The following KIF15 variants were observed in gnomAD, a reference collection of about 807,000 sequenced individuals.
KIF15 encodes kinesin family member 15.
KIF15 carries 140 observed loss-of-function variants against 190.6 expected under a neutral mutation model. That is an observed-to-expected ratio of 0.73 (90% confidence interval 0.64 to 0.84). The LOEUF is 0.84. KIF15 is among the 40% of genes least tolerant of loss of function. The pLI, the probability that KIF15 is intolerant of heterozygous loss-of-function variation, is 0.00. For missense variants in KIF15, 1,372 were observed against 1,584.4 expected (o/e 0.87, Z 2.28); for synonymous variants, 528 against 551.3 (o/e 0.96, Z 0.59).
At chr3:44,861,954 C>A in intron 6 of KIF15, 2 of 1,403,416 alleles carry the variant, frequency 1.4e-6, no homozygotes, top group South Asian at 1.5e-5. Context: ...CTCCGGGCGG[C>A]GCCGTGTCCG....
chr3:44,826,613 A>G (rs1023909435), intron 22 of KIF15, among the ~76,000 whole-genome samples, 153 bp downstream of exon 22: 4 of 152,130 alleles, frequency 2.6e-5, no homozygotes, highest in African/African-American at 9.7e-5. Flanking sequence ...ATAAATGGCT[A>G]TGTGGAGAAA....
chr3:44,813,263 C>A, intron 19 of KIF15, 83 bp downstream of exon 19: 1 of 795,648 alleles, frequency 1.3e-6, no homozygotes, highest in Non-Finnish European at 1.9e-6. Context: ...AAATGCTGTT[C>A]CTATGTTTTT....
chr3:44,797,439 C>T, intron 8 of KIF15, 112 bp from the exon 9 acceptor site: 1 of 1,012,494 alleles, frequency 9.9e-7, no homozygotes, highest in Non-Finnish European at 1.5e-6. Context: ...TTAACATTGT[C>T]CCTGACTTGC....
In KIF15 at chr3:44,813,061, CT is replaced by C; in HGVS notation, c.2278-8del. The C allele has an allele frequency of 2.0e-6, 3 of 1,503,224 alleles. No individual in the cohort carries two copies. The highest frequency in any genetic ancestry group is 2.1e-5 in the Admixed American group (1 of 48,186). The allele number at this position is 1,503,224 out of a possible 1,614,324, so 93.1% of individuals were successfully genotyped here. A position where few individuals can be genotyped will look rare whatever the true frequency, so the allele number is the denominator to read the frequency against. ...AGTATTCCTTTTCCAGTAAATTTAT[CT>C]TTTTTCCCAAAGCTTTTCTCATCAG... On this transcript the variant is annotated splice_polypyrimidine_tract_variant and intron_variant, in intron 18 of 34. Transcript: ENST00000326047.
intron 4 of KIF15, among the ~76,000 whole-genome samples, chr3:44,779,040 T>A (rs1029785862): frequency 6.6e-6 from 1 of 151,902 alleles, no homozygotes; most frequent in Non-Finnish European, 1.5e-5. Context: ...TTTCCACATT[T>A]ATTCAATTCT....
intron 14 of KIF15, 113 bp from the exon 15 acceptor site, chr3:44,804,914 A>T: frequency 8.8e-7 from 1 of 1,135,000 alleles, no homozygotes; most frequent in Non-Finnish European, 1.2e-6. Context: ...TTGGGGCTTT[A>T]GTACACTATG....
At chr3:44,820,191 A>G (rs149240359) in intron 20 of KIF15, among the ~76,000 whole-genome samples, 1 of 151,952 alleles carries the variant, frequency 6.6e-6, no homozygotes, top group Non-Finnish European at 1.5e-5. Flanking sequence ...GGTCTTGACT[A>G]TCCAATTTGC....
At chr3:44,768,268 G>A (rs1258047782) in intron 1 of KIF15, among the ~76,000 whole-genome samples, 6 of 149,430 alleles carry the variant, frequency 4.0e-5, no homozygotes, top group Non-Finnish European at 5.9e-5. Flanking sequence ...GCAAGACTCC[G>A]TCTCAAAAAA....
At chr3:44,774,206 G>C (rs1705763035) in intron 1 of KIF15, among the ~76,000 whole-genome samples, 189 bp from the exon 2 acceptor site, 1 of 152,200 alleles carries the variant, frequency 6.6e-6, no homozygotes, top group Admixed American at 6.5e-5. Flanking sequence ...ATGAGACTAG[G>C]TGTTACAACC....
intron 30 of KIF15, among the ~76,000 whole-genome samples, chr3:44,844,839 TGGA>T (rs2125721478): frequency 6.6e-6 from 1 of 152,118 alleles, no homozygotes; most frequent in East Asian, 1.9e-4. Context: ...GATGGCACTG[TGGA>T]GGAGATGGAT....
intron 14 of KIF15, 137 bp from the exon 15 acceptor site, chr3:44,804,890 C>A: frequency 1.2e-6 from 1 of 845,006 alleles, no homozygotes; most frequent in Non-Finnish European, 1.7e-6. Flanking sequence ...AGGGGGTTCA[C>A]TTGAGACCAG....
intron 32 of KIF15, among the ~76,000 whole-genome samples, chr3:44,851,032 A>T (rs959079195): frequency 3.3e-5 from 5 of 152,142 alleles, no homozygotes; most frequent in African/African-American, 9.7e-5. Flanking sequence ...GAGACCAAGG[A>T]GAAGAGGATT....
At chr3:44,833,736 A>AT (rs1450669001) in intron 26 of KIF15, among the ~76,000 whole-genome samples, 1 of 152,182 alleles carries the variant, frequency 6.6e-6, no homozygotes, top group Non-Finnish European at 1.5e-5. Context: ...GGCCGCTGGC[A>AT]TAAGGTGTTG....
chr3:44,822,998 C>T (rs745866003), intron 20 of KIF15, among the ~76,000 whole-genome samples: 10 of 152,190 alleles, frequency 6.6e-5, no homozygotes, highest in Non-Finnish European at 1.2e-4. Context: ...CCTTCTGAAG[C>T]CTACTTCTGT....
rs148526731 is a variant in KIF15, at chr3:44,851,854, G to A, written c.3874G>A (p.Glu1292Lys). ...ATGCCTTAGAATGACTGATGAAGTC[G>A]AACGAACCCAAACTTTGGAGTCTAA... ...MECLRMTDEV[E>K]RTQTLESKAF... Residue 1292 changes from glutamate to lysine, a missense_variant, in exon 33 of 35, where the codon GAA becomes AAA. Coordinates refer to ENST00000326047, the MANE Select transcript of KIF15 (RefSeq NM_020242.3). 551 of 1,613,968 alleles carry A rather than the reference G, an allele frequency of 3.4e-4. No individual in the cohort carries two copies. Among genetic ancestry groups the A allele is most frequent in the Non-Finnish European group, 4.4e-4 (521 of 1,179,928 alleles).
chr3:44,804,088 TC>T (rs1707389364), intron 14 of KIF15, among the ~76,000 whole-genome samples: 1 of 152,160 alleles, frequency 6.6e-6, no homozygotes, highest in Non-Finnish European at 1.5e-5. Flanking sequence ...CTTCAAATGA[TC>T]CACCCACTTC....
chr3:44,830,842 A>C, intron 25 of KIF15, 54 bp from the exon 26 acceptor site: 1 of 1,567,550 alleles, frequency 6.4e-7, no homozygotes, highest in Non-Finnish European at 8.6e-7. Context: ...TTGTTATTTT[A>C]ATCTAGAAAC....
chr3:44,811,662 A>G (rs2125657594), intron 17 of KIF15, among the ~76,000 whole-genome samples: 1 of 152,314 alleles, frequency 6.6e-6, no homozygotes, highest in East Asian at 1.9e-4. Context: ...AAAGAAAGTT[A>G]AAAGAATCTT....
At position 44,778,095 on chromosome 3, in the gene KIF15, A is replaced by G; in HGVS notation, c.247-20A>G. Reference sequence around the variant, plus strand: ...GTTTTCATTTTTATGATATGTTAACATGTTTGGTTACATTTGTAGGAATCT... The same window carrying G: ...GTTTTCATTTTTATGATATGTTAACGTGTTTGGTTACATTTGTAGGAATCT... On this transcript the variant is annotated intron_variant, in intron 3 of 34. Transcript: ENST00000326047. The G allele has an allele frequency of 6.3e-7, 1 of 1,599,698 alleles. No individual in the cohort carries two copies. Among genetic ancestry groups the G allele is most frequent in the East Asian group, 2.2e-5 (1 of 44,782 alleles).
Sources: allele counts gnomAD v4.1 joint callset (sites outside exome capture counted in the v4.1 genomes callset), GRCh38; gene constraint gnomAD v4.1.1; transcripts MANE v1.5; gene names NCBI Gene and HGNC (gene_info 2026-07-23, HGNC 2026-07-21).